The following ARFGEF1 variants were observed in gnomAD, a reference collection of about 807,000 sequenced individuals.
ARFGEF1 encodes the protein brefeldin A-inhibited guanine nucleotide-exchange protein 1.
ARFGEF1 carries 42 observed loss-of-function variants against 231.0 expected under a neutral mutation model. The ratio of observed to expected loss-of-function variants is 0.18; its 90% CI spans 0.14 to 0.24. The LOEUF (loss-of-function observed/expected upper bound fraction) is 0.24, where lower values mean the gene tolerates loss of function less well. Ranked by LOEUF, ARFGEF1 falls within the 10% of genes least tolerant of loss-of-function variation. The pLI, the probability that ARFGEF1 is intolerant of heterozygous loss-of-function variation, is 1.00. For synonymous variants in ARFGEF1, 710 were observed against 732.3 expected (o/e 0.97, Z 0.49); for missense variants, 1,345 against 2,192.0 (o/e 0.61, Z 7.72).
In ARFGEF1 at chr8:67,201,472, A is replaced by G; in HGVS notation, c.5262T>C (p.Leu1754=). 1 of 1,604,250 alleles carries G rather than the reference A, an allele frequency of 6.2e-7. No individual in the cohort carries two copies. The highest frequency in any genetic ancestry group is 8.5e-7 in the Non-Finnish European group (1 of 1,177,076). The change falls in exon 37 of 39, where the codon CTT becomes CTC. Residue 1754 remains leucine (L), a synonymous_variant. Transcript: ENST00000262215. The stretch of plus-strand genomic sequence containing the variant: ...AAATCAGTCAAAAGTCTTACTTCAA[A>G]AGCCTCTGCTGGACCTCCTCCCAGG... ...VSAWEEVQQR[L]LNVCSEALSY... is the part of the protein sequence containing the mutation.
At chr8:67,265,428 G>C (rs941107586) in intron 14 of ARFGEF1, among the ~76,000 whole-genome samples, 1 of 152,130 alleles carries the variant, frequency 6.6e-6, no homozygotes, top group Non-Finnish European at 1.5e-5. Context: ...TGGGCAACAA[G>C]AGAAAGGAAG....
intron 1 of ARFGEF1, among the ~76,000 whole-genome samples, chr8:67,327,058 T>C (rs1807866415): frequency 6.6e-6 from 1 of 152,306 alleles, no homozygotes; most frequent in Non-Finnish European, 1.5e-5. Context: ...ATTTAAATTA[T>C]CCCTGTGTTC....
chr8:67,210,442 G>T (rs1249682070), intron 34 of ARFGEF1, among the ~76,000 whole-genome samples: 1 of 152,028 alleles, frequency 6.6e-6, no homozygotes, highest in Non-Finnish European at 1.5e-5. Flanking sequence ...TCACACTCCA[G>T]CCTGGGTGAC....
chr8:67,296,581 G>A lies in ARFGEF1; in HGVS notation c.489C>T (p.His163=). The A allele has an allele frequency of 1.9e-6, 3 of 1,611,594 alleles. No individual in the cohort carries two copies. Among genetic ancestry groups the A allele is most frequent in the African/African-American group, 1.3e-5 (1 of 74,790 alleles). ...KALLTAVTSQ[H]IEIHEGTVLQ... Reference sequence around the variant, plus strand: ...GTACAGTCCCTTCATGAATTTCTATGTGTTGTGATGTTACTGCAGTAAGTA... The same window carrying A: ...GTACAGTCCCTTCATGAATTTCTATATGTTGTGATGTTACTGCAGTAAGTA... Residue 163 remains histidine (H), a synonymous_variant, in exon 5 of 39, where the codon CAC becomes CAT. Transcript: ENST00000262215.
At chr8:67,200,136 G>C (rs1838273810) in intron 38 of ARFGEF1, 6 of 461,920 alleles carry the variant, frequency 1.3e-5, no homozygotes, top group Non-Finnish European at 2.5e-5. Context: ...ACTTGTCAAG[G>C]TATCCCAAGG....
In ARFGEF1 at chr8:67,277,374, G is replaced by T; in HGVS notation, c.1111C>A (p.Gln371Lys). 6.2e-7 allele frequency: 1 copy of T among 1,613,718 alleles called. No homozygotes were observed. Among genetic ancestry groups the T allele is most frequent in the Non-Finnish European group, 8.5e-7 (1 of 1,179,804 alleles). Residue 371 changes from glutamine (Q) to lysine (K), a missense_variant, in exon 8 of 39, where the codon CAA becomes AAA. Around this residue, in one of 14 missense-constraint regions of ARFGEF1, gnomAD observed 398 missense variants for 463.2 expected, o/e 0.86. Transcript: ENST00000262215. Reference sequence around the variant, plus strand: ...GGTGTTCCTGGAATTCCATTTGCTTGAATATTTTCACTGTCACTACCATCC... The same window carrying T: ...GGTGTTCCTGGAATTCCATTTGCTTTAATATTTTCACTGTCACTACCATCC... ...IEDGSDSENIQANGIPGTPIS... is the reference protein window; with the variant it reads ...IEDGSDSENIKANGIPGTPIS...
chr8:67,271,837 A>G lies in ARFGEF1; in HGVS notation c.1437T>C (p.Asn479=). Residue 479 remains asparagine (N), a synonymous_variant, in exon 10 of 39, where the codon AAT becomes AAC. Transcript: ENST00000262215. ...CAACACAAAGATACTGCTTAATAGC[A>G]TTAATAAACATCTCATTTGTCCTGA... ...PIFRTNEMFI[N]AIKQYLCVAL... 6.2e-7 allele frequency: 1 copy of G among 1,613,758 alleles called. No homozygotes were observed. The highest frequency in any genetic ancestry group is 8.5e-7 in the Non-Finnish European group (1 of 1,179,742).
intron 5 of ARFGEF1, among the ~76,000 whole-genome samples, chr8:67,294,837 A>T (rs1281225096): frequency 1.3e-5 from 2 of 152,164 alleles, no homozygotes; most frequent in Non-Finnish European, 2.9e-5. Flanking sequence ...CAATGAATAC[A>T]ACTAGCACTC....
intron 1 of ARFGEF1, among the ~76,000 whole-genome samples, chr8:67,323,431 T>C (rs1169781576): frequency 6.6e-6 from 1 of 152,190 alleles, no homozygotes; most frequent in African/African-American, 2.4e-5. Context: ...CCTAGGCTTG[T>C]GTCATGTTAT....
chr8:67,267,496 G>A, intron 10 of ARFGEF1, 54 bp from the exon 11 acceptor site: 1 of 1,206,262 alleles, frequency 8.3e-7, no homozygotes, highest in Non-Finnish European at 1.2e-6. Context: ...TCATATGTGT[G>A]ATCACTTTTT....
chr8:67,242,686 C>T (rs575447213), intron 19 of ARFGEF1, among the ~76,000 whole-genome samples: 1 of 152,314 alleles, frequency 6.6e-6, no homozygotes, highest in Admixed American at 6.5e-5. Context: ...ACCAGCTTGG[C>T]CACAGAAGGG....
chr8:67,339,795 C>CGGGGGGGGGAG (rs1554652759), intron 1 of ARFGEF1, among the ~76,000 whole-genome samples: 1 of 14,274 alleles, frequency 7.0e-5, no homozygotes, highest in African/African-American at 3.3e-4. Context: ...CAGTGTGGGG[C>CGGGGGGGGGAG]GGGGGGGGGG....
chr8:67,299,487 A>T, intron 3 of ARFGEF1, 132 bp from the exon 4 acceptor site: 1 of 815,768 alleles, frequency 1.2e-6, no homozygotes, highest in Non-Finnish European at 1.8e-6. Flanking sequence ...TAAAGGTATT[A>T]TCAAAGCCAA....
intron 1 of ARFGEF1, among the ~76,000 whole-genome samples, chr8:67,321,845 G>A (rs1807612716): frequency 6.6e-6 from 1 of 152,088 alleles, no homozygotes. Flanking sequence ...TCTCTCATCA[G>A]GCCTACTGGC....
chr8:67,329,215 A>C (rs879460955), intron 1 of ARFGEF1, among the ~76,000 whole-genome samples: 11 of 148,798 alleles, frequency 7.4e-5, no homozygotes, highest in Non-Finnish European at 1.3e-4. Context: ...ATCTTTAAAA[A>C]CAAAACAAAA....
Position 67,217,798 on chromosome 8 carries a change from T to C in ARFGEF1, c.4597A>G (p.Thr1533Ala). The C allele has an allele frequency of 6.2e-7, 1 of 1,613,814 alleles. No individual in the cohort carries two copies. Among genetic ancestry groups the C allele is most frequent in the Non-Finnish European group, 8.5e-7 (1 of 1,179,882 alleles). Residue 1533 changes from threonine to alanine, a missense_variant, in exon 32 of 39, where the codon ACC (threonine) becomes GCC (alanine). Coordinates refer to ENST00000262215, the MANE Select transcript of ARFGEF1 (RefSeq NM_006421.5). Reference sequence around the variant, plus strand: ...TCTTCTTACGCATGTGGGATTGTGGTTTTGAAGATATCCAGTGTGCAGTTG... The same window carrying C: ...TCTTCTTACGCATGTGGGATTGTGGCTTTGAAGATATCCAGTGTGCAGTTG... ...TCNCTLDIFK[T>A]TIPHALLTWR... is the part of the protein sequence containing the mutation.
At chr8:67,217,573 T>C (rs920953706) in intron 32 of ARFGEF1, among the ~76,000 whole-genome samples, 6 of 152,178 alleles carry the variant, frequency 3.9e-5, no homozygotes, top group African/African-American at 1.4e-4. Flanking sequence ...ACTAAAGGTT[T>C]TGGTTTATAA....
At chr8:67,333,150 C>T (rs564203768) in intron 1 of ARFGEF1, among the ~76,000 whole-genome samples, 1 of 151,976 alleles carries the variant, frequency 6.6e-6, no homozygotes, top group Non-Finnish European at 1.5e-5. Flanking sequence ...ATTCTCCTGC[C>T]TCAGCCGCCC....
chr8:67,207,543 C>A (rs922715057), intron 34 of ARFGEF1, among the ~76,000 whole-genome samples: 1 of 152,218 alleles, frequency 6.6e-6, no homozygotes, highest in Non-Finnish European at 1.5e-5. Flanking sequence ...CAAGGTCTGA[C>A]ACTGCCAGGG....
Sources: gnomAD v4.1 joint callset for allele counts (sites outside exome capture counted in the v4.1 genomes callset) on GRCh38, gnomAD v4.1.1 for gene constraint, gnomAD v4.1.1 regional missense constraint, MANE v1.5 for transcripts, NCBI Gene and HGNC (gene_info 2026-07-23, HGNC 2026-07-21) for gene names.